PCDHGA1: variants seen among roughly 807,000 people sequenced by gnomAD.
PCDHGA1 encodes the protein protocadherin gamma-A1.
Under a neutral mutation model 58.0 loss-of-function variants are expected in PCDHGA1, and 32 were observed. The observed-to-expected ratio is 0.55, with a 90% CI of 0.42 to 0.74. PCDHGA1 has a LOEUF of 0.74. PCDHGA1 is among the 30% of genes least tolerant of loss of function. PCDHGA1 has a pLI of 0.00. For missense variants in PCDHGA1, 1,205 were observed against 1,182.3 expected (o/e 1.02, Z -0.28); for synonymous variants, 498 against 501.1 (o/e 0.99, Z 0.08).
At chr5:141,419,584 C>T in intron 1 of PCDHGA1, 1 of 1,611,798 alleles carries the variant, frequency 6.2e-7, no homozygotes, top group Non-Finnish European at 8.5e-7. Context: ...CCGCGCTCTT[C>T]GACACAGTGC....
At chr5:141,425,640 C>G (rs2096886863) in intron 1 of PCDHGA1, among the ~76,000 whole-genome samples, 1 of 152,206 alleles carries the variant, frequency 6.6e-6, no homozygotes, top group Non-Finnish European at 1.5e-5. Flanking sequence ...TCTGATAAAA[C>G]TAGGAGGAAA....
intron 1 of PCDHGA1, chr5:141,441,346 G>A (rs1265971154): frequency 2.0e-5 from 3 of 152,340 alleles, no homozygotes; most frequent in African/African-American, 7.2e-5. Context: ...TTAACTACAT[G>A]CTTGTAACAA....
At position 141,432,273 on chromosome 5, in the gene PCDHGA1, T is replaced by G. The variant is rs199937628; in HGVS notation, c.2422-62534T>G. 6.8e-6 allele frequency: 11 copies of G among 1,614,238 alleles called. No individual in the cohort carries two copies. In the Admixed American group the frequency reaches 1.7e-4, roughly 24 times the overall value. ...CAAGGGGCAAGCCTATCGTCCTACG[T>G]GTCCATCAACTCCGACACTGGGGTA... On this transcript the variant is annotated intron_variant, in intron 1 of 3. Coordinates refer to ENST00000517417, the MANE Select transcript of PCDHGA1 (RefSeq NM_018912.3). This position sits in a 1 kb window ranked among gnomAD's most constrained non-coding sequence, Gnocchi z 6.0.
In PCDHGA1 at chr5:141,335,719, A is replaced by T. The variant is rs142563655; in HGVS notation, c.2421+2614A>T. ...CAATCTACAAGTTTATTACCTAGTC[A>T]TTACAAAAAAGGGTTCAGCAAATTG... On this transcript the variant is annotated intron_variant, in intron 1 of 3. Coordinates refer to ENST00000517417, the MANE Select transcript of PCDHGA1 (RefSeq NM_018912.3). Among the ~76,000 whole-genome samples, 611 of 152,294 alleles carry T rather than the reference A, an allele frequency of 4.0e-3. 5 individuals carry two copies. Among genetic ancestry groups the T allele is most frequent in the Admixed American group, 0.011 (169 of 15,302 alleles).
rs571977774 is a variant in PCDHGA1 at position 141,375,523 on chromosome 5, C to G, written c.2421+42418C>G. ...TCTCTGTGAATGCACTGGACCCTGA[C>G]GTGGACCAGAACGCCCAAGTCTCCT... On this transcript the variant is annotated intron_variant, in intron 1 of 3. Coordinates refer to ENST00000517417, the MANE Select transcript of PCDHGA1 (RefSeq NM_018912.3). The G allele has an allele frequency of 1.6e-4, 253 of 1,614,032 alleles. 3 individuals are homozygous for G. The Admixed American group carries it at 4.2e-3, about 27-fold the overall frequency.
At chr5:141,414,280 G>A (rs1448512468) in intron 1 of PCDHGA1, 2 of 1,613,604 alleles carry the variant, frequency 1.2e-6, no homozygotes, top group Admixed American at 1.7e-5. Context: ...TCTGGGAACA[G>A]TCGTAGCCCT....
At chr5:141,415,095 C>A (rs1045755927) in intron 1 of PCDHGA1, 2 of 1,613,466 alleles carry the variant, frequency 1.2e-6, no homozygotes, top group East Asian at 2.2e-5. Flanking sequence ...TGGACAGAGA[C>A]GCGCTCAAGC....
chr5:141,374,735 G>A (rs760557076), intron 1 of PCDHGA1: 1 of 1,610,874 alleles, frequency 6.2e-7, no homozygotes. Flanking sequence ...CATGGATGGC[G>A]GCGACCCTGT....
At chr5:141,377,633 T>C (rs1357016658) in intron 1 of PCDHGA1, 2 of 152,058 alleles carry the variant, frequency 1.3e-5, no homozygotes, top group Non-Finnish European at 2.9e-5. Flanking sequence ...TTGTTTTTTC[T>C]CAGTGTTACT....
rs535152193 is a variant in PCDHGA1, at chr5:141,422,906, C to G, written c.2422-71901C>G. ...TTCGTGCTGGACCAGAACGACAATG[C>G]GCCCGAGATCCTGTACCCTGCCCTC... On this transcript the variant is annotated intron_variant, in intron 1 of 3. Transcript: ENST00000517417. 6 of 1,614,264 alleles carry G rather than the reference C, an allele frequency of 3.7e-6. No homozygotes were observed. The South Asian group carries it at 6.6e-5, about 18-fold the overall frequency.
intron 1 of PCDHGA1, among the ~76,000 whole-genome samples, chr5:141,381,826 C>CTTCT (rs1777532522): frequency 2.0e-4 from 15 of 74,296 alleles, no homozygotes; most frequent in South Asian, 5.2e-4. Context: ...CTTTCTTCTT[C>CTTCT]TTTTTTTTTT....
At chr5:141,371,815 T>A (rs966835739) in intron 1 of PCDHGA1, 1 of 1,613,856 alleles carries the variant, frequency 6.2e-7, no homozygotes, top group Non-Finnish European at 8.5e-7. Flanking sequence ...ATTGCGCATG[T>A]CAGAGCCTCG....
intron 1 of PCDHGA1, chr5:141,350,135 C>A: frequency 1.3e-6 from 1 of 753,636 alleles, no homozygotes; most frequent in Non-Finnish European, 1.9e-6. Context: ...AGCACAGACG[C>A]TGCTCCTGTT....
intron 1 of PCDHGA1, chr5:141,441,971 G>C: frequency 3.3e-6 from 1 of 298,820 alleles, no homozygotes; most frequent in Admixed American, 4.4e-5. Flanking sequence ...AGGCTCTTCA[G>C]CCTGGAATGC....
intron 2 of PCDHGA1, among the ~76,000 whole-genome samples, chr5:141,495,233 A>G (rs1226612093): frequency 1.3e-5 from 2 of 152,196 alleles, no homozygotes; most frequent in African/African-American, 4.8e-5. Flanking sequence ...GCTGGGCTCC[A>G]TTATGACCTG....
intron 1 of PCDHGA1, chr5:141,383,409 C>T (rs199780721): frequency 1.2e-6 from 2 of 1,614,010 alleles, no homozygotes; most frequent in Non-Finnish European, 1.7e-6. Flanking sequence ...TCCAGAGTTA[C>T]CAGCTCAGCC....
intron 1 of PCDHGA1, chr5:141,371,611 C>T (rs561217101): frequency 6.2e-7 from 1 of 1,613,878 alleles, no homozygotes. Flanking sequence ...AGGTTGGTGA[C>T]AGATGGAGCC....
intron 1 of PCDHGA1, chr5:141,422,304 A>G: frequency 6.5e-7 from 1 of 1,548,524 alleles, no homozygotes; most frequent in Non-Finnish European, 8.7e-7. Context: ...CAATTCTGGA[A>G]AACTCTCCTC....
At chr5:141,444,752 T>C (rs1376810825) in intron 1 of PCDHGA1, among the ~76,000 whole-genome samples, 2 of 152,228 alleles carry the variant, frequency 1.3e-5, no homozygotes, top group Non-Finnish European at 2.9e-5. Context: ...CTGATATATG[T>C]AGTTCTATTT....
Sources: allele counts gnomAD v4.1 joint callset (sites outside exome capture counted in the v4.1 genomes callset), GRCh38; gene constraint gnomAD v4.1.1; non-coding constraint Gnocchi (gnomAD v3.1); transcripts MANE v1.5; gene names NCBI Gene and HGNC (gene_info 2026-07-23, HGNC 2026-07-21).